Variants in GRB14 observed in about 807,000 individuals in gnomAD.
GRB14 encodes the protein growth factor receptor-bound protein 14.
In GRB14, 38 loss-of-function variants were observed where a neutral mutation model predicts 69.1. The observed-to-expected ratio is 0.55, with a 90% CI of 0.42 to 0.72. The LOEUF (loss-of-function observed/expected upper bound fraction) is 0.72, where lower values mean the gene tolerates loss of function less well. GRB14 is among the 30% of genes least tolerant of loss of function. The pLI is 0.00. For missense variants in GRB14, 666 were observed against 666.1 expected, an observed-to-expected ratio of 1.00 and a Z score of 0.00; for synonymous variants, 247 against 241.3, an observed-to-expected ratio of 1.02 and a Z score of -0.22.
intron 9 of GRB14, among the ~76,000 whole-genome samples, chr2:164,501,184 T>C (rs191919995): frequency 6.6e-6 from 1 of 152,208 alleles, no homozygotes; most frequent in Non-Finnish European, 1.5e-5. Context: ...GGCTTAAAAG[T>C]AATACCATAC....
chr2:164,562,591 T>C (rs1254829550), intron 2 of GRB14, among the ~76,000 whole-genome samples: 1 of 152,172 alleles, frequency 6.6e-6, no homozygotes, highest in Non-Finnish European at 1.5e-5. Context: ...ACAGGGAAAT[T>C]TAAACTGTTT....
chr2:164,575,527 G>T (rs907959311), intron 2 of GRB14, among the ~76,000 whole-genome samples: 4 of 152,072 alleles, frequency 2.6e-5, no homozygotes, highest in African/African-American at 9.7e-5. Flanking sequence ...TTTTCAAAAA[G>T]ATGAAAGCTG....
Position 164,568,271 on chromosome 2 carries a change from C to G in GRB14, c.325-20455G>C, listed in dbSNP as rs899315194. The G allele has an allele frequency of 2.6e-5, 31 of 1,203,032 alleles. No homozygotes were observed. The East Asian group carries it at 1.4e-3, about 55-fold the overall frequency. 74.5% of individuals were successfully genotyped at this position (1,203,032 alleles called of 1,614,324 possible). ...ACACACAGTAACAGGGGAAAAAAAG[C>G]AGCAAGAAAAATTAAAGAAAAAAAG... On this transcript the variant is annotated intron_variant, in intron 2 of 13. Coordinates refer to ENST00000263915, the MANE Select transcript of GRB14 (RefSeq NM_004490.3).
intron 2 of GRB14, chr2:164,574,060 C>G: frequency 9.1e-7 from 1 of 1,100,098 alleles, no homozygotes. Flanking sequence ...CCTAGATCTT[C>G]AGAGGTAAAT....
At chr2:164,522,510 C>T (rs764357738) in intron 5 of GRB14, among the ~76,000 whole-genome samples, 4 of 152,102 alleles carry the variant, frequency 2.6e-5, no homozygotes, top group South Asian at 4.1e-4. Flanking sequence ...TCATCTATTG[C>T]GTTAAGTCCT....
intron 3 of GRB14, among the ~76,000 whole-genome samples, chr2:164,533,188 T>G (rs1466021507): frequency 6.6e-6 from 1 of 151,742 alleles, no homozygotes; most frequent in East Asian, 1.9e-4. Context: ...TGCTCTTTCA[T>G]GCTCCTGCCG....
At chr2:164,570,005 A>C (rs1004629958) in intron 2 of GRB14, among the ~76,000 whole-genome samples, 2 of 152,146 alleles carry the variant, frequency 1.3e-5, no homozygotes, top group African/African-American at 4.8e-5. Context: ...CAAGAATATC[A>C]CCCATAATAT....
chr2:164,579,107 C>G (rs1179801462), intron 2 of GRB14, among the ~76,000 whole-genome samples: 2 of 152,076 alleles, frequency 1.3e-5, no homozygotes, highest in Admixed American at 6.5e-5. Context: ...TCCTATACTT[C>G]TATATAAATA....
chr2:164,576,316 T>C (rs1689249579), intron 2 of GRB14, among the ~76,000 whole-genome samples: 1 of 151,522 alleles, frequency 6.6e-6, no homozygotes, highest in Non-Finnish European at 1.5e-5. Context: ...ATAAAATATA[T>C]AAATAGGGTA....
intron 2 of GRB14, among the ~76,000 whole-genome samples, chr2:164,576,432 G>A (rs1243662400): frequency 1.3e-5 from 2 of 151,468 alleles, no homozygotes; most frequent in African/African-American, 4.8e-5. Flanking sequence ...GATCACATTG[G>A]ACATCAAAGA....
chr2:164,494,695 CT>C (rs1215570493), intron 12 of GRB14, among the ~76,000 whole-genome samples, 171 bp from the exon 13 acceptor site: 1 of 152,140 alleles, frequency 6.6e-6, no homozygotes, highest in Non-Finnish European at 1.5e-5. Flanking sequence ...ATAATATAAT[CT>C]GCACTATAAA....
chr2:164,613,102 G>T (rs890409838), intron 2 of GRB14, among the ~76,000 whole-genome samples: 1 of 152,170 alleles, frequency 6.6e-6, no homozygotes, highest in African/African-American at 2.4e-5. Flanking sequence ...CCTGAAGGGT[G>T]ACATCAACTG....
chr2:164,500,176 T>C (rs1030132738), intron 9 of GRB14, among the ~76,000 whole-genome samples: 2 of 152,122 alleles, frequency 1.3e-5, no homozygotes, highest in South Asian at 2.1e-4. Flanking sequence ...TATTGATAAA[T>C]GCTCCTTTAA....
At chr2:164,502,701 G>A (rs1687089874) in intron 8 of GRB14, among the ~76,000 whole-genome samples, 1 of 150,262 alleles carries the variant, frequency 6.7e-6, no homozygotes, top group African/African-American at 2.4e-5. Context: ...CTGGTACAAA[G>A]ATTCCAAAAA....
At position 164,621,372 on chromosome 2, in the gene GRB14, G is replaced by A. The variant is rs1323465768; in HGVS notation, c.-63C>T. On this transcript the variant is annotated 5_prime_UTR_variant, in exon 1 of 14. Coordinates refer to ENST00000263915, the MANE Select transcript of GRB14 (RefSeq NM_004490.3). This position sits in a 1 kb window ranked among gnomAD's most constrained non-coding sequence, Gnocchi z 6.0. ...CGGCGCGTGGGGAGAAGGGGTTTGC[G>A]CGGCGGGAGGCGAGGTGCCGGCTAG... 3 of 1,217,216 alleles carry A rather than the reference G, an allele frequency of 2.5e-6. No homozygotes were observed. Among genetic ancestry groups the A allele is most frequent in the Admixed American group, 7.7e-5 (2 of 26,022 alleles). 75.4% of individuals were successfully genotyped at this position (1,217,216 alleles called of 1,614,324 possible).
chr2:164,515,293 C>T, intron 6 of GRB14, among the ~76,000 whole-genome samples: 1 of 152,164 alleles, frequency 6.6e-6, no homozygotes, highest in Middle Eastern at 3.2e-3. Flanking sequence ...CAACTAAGGA[C>T]CCTCACAGAG....
intron 8 of GRB14, among the ~76,000 whole-genome samples, 182 bp from the exon 9 acceptor site, chr2:164,502,517 A>G (rs1233220858): frequency 1.3e-5 from 2 of 152,126 alleles, no homozygotes; most frequent in African/African-American, 2.4e-5. Context: ...TAAAAAGACA[A>G]TTGAAGTCTT....
chr2:164,512,458 C>T (rs1047696751), intron 6 of GRB14, among the ~76,000 whole-genome samples: 3 of 152,200 alleles, frequency 2.0e-5, no homozygotes, highest in African/African-American at 7.2e-5. Flanking sequence ...TGAGCCACCA[C>T]ACCTGGCCGA....
At chr2:164,557,712 T>C (rs1049436853) in intron 2 of GRB14, among the ~76,000 whole-genome samples, 1 of 152,192 alleles carries the variant, frequency 6.6e-6, no homozygotes, top group Non-Finnish European at 1.5e-5. Context: ...GGTATAGCTC[T>C]TATCATTAAG....
Sources: gnomAD v4.1 joint callset for allele counts (sites outside exome capture counted in the v4.1 genomes callset) on GRCh38, gnomAD v4.1.1 for gene constraint, Gnocchi (gnomAD v3.1) non-coding constraint, MANE v1.5 for transcripts, NCBI Gene and HGNC (gene_info 2026-07-23, HGNC 2026-07-21) for gene names.